Variants in MAML3 observed in about 807,000 individuals in gnomAD.
MAML3 encodes the protein mastermind-like protein 3.
A neutral mutation model predicts 101.9 loss-of-function variants in MAML3; 27 were observed. The observed-to-expected ratio is 0.27, with a 90% CI of 0.20 to 0.37. The LOEUF (loss-of-function observed/expected upper bound fraction) is 0.37, where lower values mean the gene tolerates loss of function less well. Ranked by LOEUF, MAML3 falls within the 10% of genes least tolerant of loss-of-function variation. The pLI is 1.00. For synonymous variants in MAML3, 501 were observed against 555.9 expected, an observed-to-expected ratio of 0.90 and a Z score of 1.39; for missense variants, 1,316 against 1,444.9, an observed-to-expected ratio of 0.91 and a Z score of 1.45.
intron 1 of MAML3, among the ~76,000 whole-genome samples, chr4:139,988,326 C>CAAAA (rs764018702): frequency 1.7e-4 from 14 of 81,920 alleles, no homozygotes; most frequent in East Asian, 7.2e-4. Flanking sequence ...GACTCCGTCT[C>CAAAA]AAAAAAAAAA....
intron 1 of MAML3, among the ~76,000 whole-genome samples, chr4:139,995,704 A>G (rs1458964083): frequency 6.6e-6 from 1 of 151,978 alleles, no homozygotes; most frequent in Non-Finnish European, 1.5e-5. Context: ...GATTGGCTAA[A>G]TTGTGTCTTT....
At chr4:140,128,018 G>C (rs1728710722) in intron 1 of MAML3, 1 of 152,182 alleles carries the variant, frequency 6.6e-6, no homozygotes, top group South Asian at 2.1e-4. Context: ...TTCGTCCAGT[G>C]CCTCACAGAC....
intron 1 of MAML3, among the ~76,000 whole-genome samples, chr4:140,063,294 CCA>C (rs1727477752): frequency 6.6e-6 from 1 of 152,082 alleles, no homozygotes; most frequent in South Asian, 2.1e-4. Context: ...GGAATGAAAG[CCA>C]CAGAGAGAGA....
chr4:139,994,586 G>A (rs939716338), intron 1 of MAML3, among the ~76,000 whole-genome samples: 15 of 152,150 alleles, frequency 9.9e-5, no homozygotes, highest in African/African-American at 3.6e-4. Flanking sequence ...CTTGAGCTCA[G>A]GAGTCTGAGG....
At chr4:140,103,595 G>C (rs775067249) in intron 1 of MAML3, among the ~76,000 whole-genome samples, 1 of 152,092 alleles carries the variant, frequency 6.6e-6, no homozygotes, top group South Asian at 2.1e-4. Flanking sequence ...AAATTAAACC[G>C]GCATATTGGA....
chr4:140,143,928 C>T (rs1729015941), intron 1 of MAML3, among the ~76,000 whole-genome samples: 1 of 152,190 alleles, frequency 6.6e-6, no homozygotes, highest in South Asian at 2.1e-4. Context: ...GCACCTCTGC[C>T]TCTCTCTGCT....
chr4:139,741,661 C>T (rs28403134), intron 2 of MAML3, among the ~76,000 whole-genome samples: 11,839 of 152,072 alleles, frequency 0.078, 552 homozygotes, highest in East Asian at 0.21. Flanking sequence ...GTGGGAGGAT[C>T]GCTTGAGCCT....
At chr4:140,011,844 A>G (rs1176213299) in intron 1 of MAML3, among the ~76,000 whole-genome samples, 1 of 152,196 alleles carries the variant, frequency 6.6e-6, no homozygotes, top group East Asian at 1.9e-4. Flanking sequence ...TCATTCTCAT[A>G]TTTAATCCAC....
intron 2 of MAML3, among the ~76,000 whole-genome samples, chr4:139,832,733 C>T (rs1017283981): frequency 3.9e-5 from 6 of 152,126 alleles, no homozygotes; most frequent in Non-Finnish European, 8.8e-5. Context: ...AAGGTATGAC[C>T]TTCATATTTA....
chr4:139,852,169 A>G (rs1476280951), intron 2 of MAML3, among the ~76,000 whole-genome samples: 1 of 152,228 alleles, frequency 6.6e-6, no homozygotes, highest in East Asian at 1.9e-4. Flanking sequence ...CCTTTAATCA[A>G]GCATATCCTC....
chr4:139,876,546 T>C lies in MAML3; in HGVS notation c.2079+12811A>G, dbSNP rs552290533. Reference sequence around the variant, plus strand: ...CCTGTTCCAGGGCCTTCAATCACCCTTCTATTCGCAGGCTTTGAAGTACAG... The same window carrying C: ...CCTGTTCCAGGGCCTTCAATCACCCCTCTATTCGCAGGCTTTGAAGTACAG... On this transcript the variant is annotated intron_variant, in intron 2 of 4. Transcript: ENST00000509479. Among the ~76,000 whole-genome samples the C allele has an allele frequency of 1.8e-3, 274 of 152,342 alleles. 1 individual carries two copies. Among genetic ancestry groups the C allele is most frequent in the African/African-American group, 6.4e-3 (267 of 41,582 alleles).
chr4:140,076,359 T>A (rs1377531546), intron 1 of MAML3, among the ~76,000 whole-genome samples: 1 of 152,122 alleles, frequency 6.6e-6, no homozygotes, highest in African/African-American at 2.4e-5. Context: ...TGAAAATGCA[T>A]TTTTTTGTAA....
At chr4:139,855,030 C>A (rs1731631020) in intron 2 of MAML3, among the ~76,000 whole-genome samples, 1 of 152,198 alleles carries the variant, frequency 6.6e-6, no homozygotes, top group Admixed American at 6.5e-5. Context: ...TAATGTAGAT[C>A]CACTTTCAAT....
chr4:139,832,855 A>G (rs1182821631), intron 2 of MAML3, among the ~76,000 whole-genome samples: 1 of 152,262 alleles, frequency 6.6e-6, no homozygotes, highest in East Asian at 1.9e-4. Context: ...TGTCCACATC[A>G]TCCGCAGTGA....
chr4:139,902,478 G>T (rs1578588844), intron 1 of MAML3, among the ~76,000 whole-genome samples: 1 of 152,172 alleles, frequency 6.6e-6, no homozygotes. Context: ...TTAATAAACA[G>T]AAACCAAGGC....
intron 2 of MAML3, among the ~76,000 whole-genome samples, chr4:139,782,416 C>T (rs576041776): frequency 6.6e-6 from 1 of 152,322 alleles, no homozygotes; most frequent in South Asian, 2.1e-4. Flanking sequence ...GTCCTCCCAC[C>T]TCAGCCTCCC....
chr4:140,111,109 T>C (rs537260638), intron 1 of MAML3, among the ~76,000 whole-genome samples: 6 of 152,228 alleles, frequency 3.9e-5, no homozygotes, highest in Non-Finnish European at 7.3e-5. Flanking sequence ...TGACACTACC[T>C]ATGCTATGTA....
At chr4:139,761,809 G>T (rs566421204) in intron 2 of MAML3, among the ~76,000 whole-genome samples, 14 of 152,314 alleles carry the variant, frequency 9.2e-5, no homozygotes, top group Admixed American at 9.2e-4. Flanking sequence ...AACCCAGCCT[G>T]GCTGGGTCAA....
intron 1 of MAML3, among the ~76,000 whole-genome samples, chr4:139,902,375 G>A (rs146105216): frequency 3.9e-5 from 6 of 152,252 alleles, no homozygotes; most frequent in African/African-American, 1.2e-4. Context: ...TTTCACAACA[G>A]ATTTTTACTC....
Sources: allele counts gnomAD v4.1 joint callset (sites outside exome capture counted in the v4.1 genomes callset), GRCh38; gene constraint gnomAD v4.1.1; transcripts MANE v1.5; gene names NCBI Gene and HGNC (gene_info 2026-07-23, HGNC 2026-07-21).